Variants in SLC4A4 observed in about 807,000 individuals in gnomAD.
The protein encoded by SLC4A4 is solute carrier family 4 member 4, also known as electrogenic sodium bicarbonate cotransporter 1.
A neutral mutation model predicts 111.5 loss-of-function variants in SLC4A4; 27 were observed. That is an observed-to-expected ratio of 0.24 (90% confidence interval 0.18 to 0.33). The LOEUF (loss-of-function observed/expected upper bound fraction) is 0.33. SLC4A4 is among the 10% of genes least tolerant of loss of function. SLC4A4 has a pLI of 1.00. For missense variants in SLC4A4, 909 were observed against 1,315.5 expected, an observed-to-expected ratio of 0.69 and a Z score of 4.78; for synonymous variants, 443 against 463.4, an observed-to-expected ratio of 0.96 and a Z score of 0.57.
intron 16 of SLC4A4, among the ~76,000 whole-genome samples, chr4:71,524,906 A>G (rs990564995): frequency 3.9e-5 from 6 of 152,118 alleles, no homozygotes; most frequent in Admixed American, 3.9e-4. Context: ...TTGTCTCTTT[A>G]TAACAGCTGT....
chr4:71,362,670 A>G (rs998413339), intron 6 of SLC4A4, among the ~76,000 whole-genome samples: 19 of 152,336 alleles, frequency 1.2e-4, no homozygotes, highest in African/African-American at 4.1e-4. Context: ...GACCTTTCTC[A>G]TCATAGCCCT....
intron 13 of SLC4A4, 122 bp from the exon 14 acceptor site, chr4:71,472,577 C>A: frequency 1.0e-6 from 1 of 974,688 alleles, no homozygotes; most frequent in Non-Finnish European, 1.6e-6. Context: ...TAGAGTTTCA[C>A]ATTTAGTGGC....
intron 1 of SLC4A4, among the ~76,000 whole-genome samples, chr4:71,082,351 A>C (rs913565056): frequency 5.9e-5 from 9 of 151,920 alleles, no homozygotes; most frequent in Non-Finnish European, 1.3e-4. Context: ...CCCCACCACT[A>C]TAGAACACTC....
At chr4:71,299,549 C>A (rs1725055507) in intron 3 of SLC4A4, among the ~76,000 whole-genome samples, 1 of 152,164 alleles carries the variant, frequency 6.6e-6, no homozygotes, top group Non-Finnish European at 1.5e-5. Flanking sequence ...TCAGGATGAT[C>A]AGAGAGGTCA....
At chr4:71,113,922 T>G (rs1389845235) in intron 2 of SLC4A4, among the ~76,000 whole-genome samples, 1 of 152,220 alleles carries the variant, frequency 6.6e-6, no homozygotes, top group Non-Finnish European at 1.5e-5. Flanking sequence ...TAGTTATACC[T>G]TATTAGCAGA....
At chr4:71,168,177 C>G (rs1305051533) in intron 2 of SLC4A4, among the ~76,000 whole-genome samples, 1 of 106,242 alleles carries the variant, frequency 9.4e-6, no homozygotes, top group Non-Finnish European at 1.8e-5. Flanking sequence ...CAATTATACT[C>G]TTTTTTTTTT....
chr4:71,119,822 T>C (rs187645993), intron 2 of SLC4A4, among the ~76,000 whole-genome samples: 148 of 152,294 alleles, frequency 9.7e-4, no homozygotes, highest in Non-Finnish European at 1.7e-3. Flanking sequence ...TCAAACGCTG[T>C]AGTATGTTTA....
chr4:71,353,098 G>T (rs1729986846), intron 5 of SLC4A4, among the ~76,000 whole-genome samples: 1 of 152,172 alleles, frequency 6.6e-6, no homozygotes, highest in Admixed American at 6.5e-5. Context: ...TGGCCAAAGA[G>T]AGAAGGTTTT....
chr4:71,243,210 A>T (rs550480443), intron 2 of SLC4A4, among the ~76,000 whole-genome samples: 2 of 152,280 alleles, frequency 1.3e-5, no homozygotes, highest in East Asian at 1.9e-4. Context: ...AGAGTCTAGT[A>T]TGTGTATATG....
chr4:71,314,663 G>T (rs944564882), intron 3 of SLC4A4, among the ~76,000 whole-genome samples: 3 of 152,050 alleles, frequency 2.0e-5, no homozygotes, highest in African/African-American at 7.2e-5. Context: ...AAACTAACAG[G>T]GGAACAGAAG....
At position 71,368,533 on chromosome 4, in the gene SLC4A4, C is replaced by T. The variant is rs1399199385; in HGVS notation, c.730+11346C>T. Among the ~76,000 whole-genome samples the T allele has an allele frequency of 5.9e-5, 9 of 152,260 alleles. No individual in the cohort carries two copies. In the East Asian group the frequency reaches 1.5e-3, roughly 26 times the overall value. On this transcript the variant is annotated intron_variant, in intron 6 of 25. Transcript: ENST00000264485. ...TCAGAAGTGAAAGTATGAAATGTTG[C>T]TTTCTCCATTTGTGCATAAGATCCA... is the stretch of plus-strand genomic sequence containing the variant.
At chr4:71,325,585 T>C (rs1220452060) in intron 3 of SLC4A4, among the ~76,000 whole-genome samples, 1 of 152,032 alleles carries the variant, frequency 6.6e-6, no homozygotes, top group Non-Finnish European at 1.5e-5. Flanking sequence ...ATAGCTTTTA[T>C]TGCCATTTTA....
intron 15 of SLC4A4, among the ~76,000 whole-genome samples, chr4:71,489,610 A>C (rs1364686317): frequency 1.3e-5 from 2 of 151,802 alleles, no homozygotes; most frequent in Non-Finnish European, 2.9e-5. Context: ...TCCATAACTC[A>C]GAAGTTTAAT....
chr4:71,114,120 G>A (rs529500107), intron 2 of SLC4A4, among the ~76,000 whole-genome samples: 180 of 152,212 alleles, frequency 1.2e-3, no homozygotes, highest in Admixed American at 2.7e-3. Context: ...GGTGGCAGGC[G>A]CCTGTAGTCC....
intron 4 of SLC4A4, among the ~76,000 whole-genome samples, chr4:71,340,562 A>G (rs944142615): frequency 2.0e-5 from 3 of 152,190 alleles, no homozygotes; most frequent in Non-Finnish European, 4.4e-5. Flanking sequence ...GGGTCTTGGA[A>G]TGTATCCCCT....
chr4:71,117,223 C>T (rs1013636024), intron 2 of SLC4A4, among the ~76,000 whole-genome samples: 11 of 152,116 alleles, frequency 7.2e-5, no homozygotes, highest in African/African-American at 1.9e-4. Flanking sequence ...TGAAGCAATC[C>T]TCTTGCCTTG....
At chr4:71,520,222 A>G (rs1028060980) in intron 16 of SLC4A4, among the ~76,000 whole-genome samples, 5 of 152,196 alleles carry the variant, frequency 3.3e-5, no homozygotes, top group African/African-American at 4.8e-5. Context: ...TTGAGTGACA[A>G]TGTTCTTGCC....
intron 1 of SLC4A4, chr4:71,233,292 T>C (rs560899690): frequency 1.0e-6 from 1 of 985,270 alleles, no homozygotes; most frequent in Non-Finnish European, 1.2e-6. Context: ...ATGCCTCCTC[T>C]GTGTCTGCTA....
intron 3 of SLC4A4, among the ~76,000 whole-genome samples, chr4:71,282,031 A>G (rs1723559656): frequency 6.6e-6 from 1 of 151,486 alleles, no homozygotes; most frequent in African/African-American, 2.4e-5. Flanking sequence ...TTGTTCATGC[A>G]TACAAGTTCT....
Sources: allele counts gnomAD v4.1 joint callset (sites outside exome capture counted in the v4.1 genomes callset), GRCh38; gene constraint gnomAD v4.1.1; transcripts MANE v1.5; gene names NCBI Gene and HGNC (gene_info 2026-07-23, HGNC 2026-07-21).